Variants in CADPS observed in about 807,000 individuals in gnomAD.
The protein encoded by CADPS is calcium dependent secretion activator, also known as calcium-dependent secretion activator 1.
In CADPS, 57 loss-of-function variants were observed where a neutral mutation model predicts 167.3. The observed-to-expected ratio is 0.34, with a 90% CI of 0.28 to 0.42. CADPS has a LOEUF of 0.42. Among genes scored for constraint, CADPS ranks in the 20% least tolerant of loss-of-function variants. CADPS has a pLI of 1.00. For missense variants in CADPS, 1,414 were observed against 1,738.1 expected (o/e 0.81, Z 3.32); for synonymous variants, 676 against 635.3 (o/e 1.06, Z -0.96).
At chr3:62,654,912 C>T (rs1056132806) in intron 4 of CADPS, among the ~76,000 whole-genome samples, 2 of 152,202 alleles carry the variant, frequency 1.3e-5, no homozygotes, top group African/African-American at 4.8e-5. Context: ...TTGTCAAGTG[C>T]GGTTCCTTCT....
chr3:62,423,512 C>T (rs973652298), intron 28 of CADPS, among the ~76,000 whole-genome samples: 12 of 152,172 alleles, frequency 7.9e-5, no homozygotes, highest in Non-Finnish European at 1.0e-4. Context: ...GGGTAGGAAG[C>T]ACATATTTGA....
intron 3 of CADPS, among the ~76,000 whole-genome samples, chr3:62,734,550 TA>T (rs1394615121): frequency 2.0e-5 from 3 of 152,180 alleles, no homozygotes; most frequent in African/African-American, 7.2e-5. Flanking sequence ...ATAAATGAAA[TA>T]ATAGAATACA....
rs1577774872 is a variant in CADPS, at chr3:62,875,068, T to C, written c.-39A>G. The C allele has an allele frequency of 6.5e-7, 1 of 1,548,530 alleles. No individual in the cohort carries two copies. The highest frequency in any genetic ancestry group is 8.7e-7 in the Non-Finnish European group (1 of 1,144,882). On this transcript the variant is annotated 5_prime_UTR_variant, in exon 1 of 30. Transcript: ENST00000383710. ...GAGCGGGGTCTCTGGAGCCCCCGGC[T>C]TGGAGTGCAAAAGGTGGGGGGCGCT...
intron 1 of CADPS, among the ~76,000 whole-genome samples, chr3:62,851,881 G>T (rs1191261516): frequency 6.6e-6 from 1 of 151,656 alleles, no homozygotes; most frequent in African/African-American, 2.4e-5. Flanking sequence ...TTCCAACTTG[G>T]TTCCATTCTC....
intron 21 of CADPS, among the ~76,000 whole-genome samples, chr3:62,485,966 C>A (rs182835636): frequency 6.6e-6 from 1 of 152,272 alleles, no homozygotes; most frequent in East Asian, 1.9e-4. Context: ...TTGGCAGAAT[C>A]ATGAGATCTG....
intron 28 of CADPS, among the ~76,000 whole-genome samples, chr3:62,419,052 T>A (rs116245648): frequency 0.02 from 3,075 of 152,264 alleles, 51 homozygotes; most frequent in South Asian, 0.056. Context: ...TAGAAAATTT[T>A]TGTAGCAAAC....
chr3:62,516,211 A>G (rs1462444629), intron 15 of CADPS, 29 bp from the exon 16 acceptor site: 2 of 1,612,064 alleles, frequency 1.2e-6, no homozygotes, highest in East Asian at 4.5e-5. Context: ...GGGATTATTA[A>G]GAAGGTTCAA....
intron 3 of CADPS, among the ~76,000 whole-genome samples, chr3:62,679,807 C>T (rs548538236): frequency 1.3e-4 from 20 of 151,964 alleles, no homozygotes; most frequent in East Asian, 1.2e-3. Flanking sequence ...TTTTTGAAAG[C>T]GACTGGAAAG....
intron 1 of CADPS, among the ~76,000 whole-genome samples, chr3:62,799,231 G>T (rs1459439467): frequency 6.6e-6 from 1 of 152,072 alleles, no homozygotes; most frequent in East Asian, 1.9e-4. Context: ...AAACAAAAGG[G>T]TTAAGACCCA....
At chr3:62,675,009 G>C (rs927526218) in intron 3 of CADPS, among the ~76,000 whole-genome samples, 11 of 152,162 alleles carry the variant, frequency 7.2e-5, no homozygotes, top group Non-Finnish European at 1.6e-4. Context: ...AGTTAACCTT[G>C]AAATCTCAGT....
At chr3:62,766,837 C>T (rs1015224997) in intron 1 of CADPS, among the ~76,000 whole-genome samples, 2 of 152,168 alleles carry the variant, frequency 1.3e-5, no homozygotes, top group African/African-American at 4.8e-5. Context: ...AGGTTAGGGG[C>T]AGGTCTTCCT....
rs2059916804 is a variant in CADPS, at chr3:62,601,224, A to G, written c.1326-8476T>C. ...AATATTTGCAACACATGAATATTAT[A>G]TGAAATTCAAATTTTGATGCCCATC... is the stretch of plus-strand genomic sequence containing the variant. On this transcript the variant is annotated intron_variant, in intron 6 of 29. Transcript: ENST00000383710. The surrounding 1 kb of genome is among the most constrained non-coding windows in gnomAD (Gnocchi z 4.3). Among the ~76,000 whole-genome samples the G allele has an allele frequency of 6.6e-6, 1 of 152,326 alleles. No homozygotes were observed. The highest frequency in any genetic ancestry group is 1.9e-4 in the East Asian group (1 of 5,176).
chr3:62,580,524 A>G (rs2083214243), intron 8 of CADPS, among the ~76,000 whole-genome samples: 1 of 151,964 alleles, frequency 6.6e-6, no homozygotes, highest in South Asian at 2.1e-4. Context: ...AGCATGGCAC[A>G]TGTATACATA....
chr3:62,421,796 T>A lies in CADPS; in HGVS notation c.3777+16308A>T, dbSNP rs2051468451. On this transcript the variant is annotated intron_variant, in intron 28 of 29. Transcript: ENST00000383710. The surrounding 1 kb of genome is among the most constrained non-coding windows in gnomAD (Gnocchi z 4.7). ...CCTAGGGATGGAGGGATGCCCCGGG[T>A]CTGGGTTTTTTTGGAGTGTGCTATT... 6.6e-6 allele frequency among the ~76,000 whole-genome samples: 1 copy of A among 152,126 alleles called. No individual in the cohort carries two copies. Among genetic ancestry groups the A allele is most frequent in the South Asian group, 2.1e-4 (1 of 4,836 alleles).
chr3:62,657,461 G>C (rs1225224870), intron 4 of CADPS, among the ~76,000 whole-genome samples: 1 of 152,160 alleles, frequency 6.6e-6, no homozygotes, highest in Non-Finnish European at 1.5e-5. Flanking sequence ...GCCACAATCT[G>C]TCTGCTTAAG....
At chr3:62,413,048 G>C (rs2049276062) in intron 28 of CADPS, among the ~76,000 whole-genome samples, 1 of 152,040 alleles carries the variant, frequency 6.6e-6, no homozygotes, top group African/African-American at 2.4e-5. Flanking sequence ...ATAATCATAA[G>C]ATATTGCTGG....
At chr3:62,766,603 G>C (rs1481342628) in intron 1 of CADPS, among the ~76,000 whole-genome samples, 1 of 152,220 alleles carries the variant, frequency 6.6e-6, no homozygotes, top group Non-Finnish European at 1.5e-5. Context: ...TCACATGACA[G>C]ATGATGTTTG....
At position 62,588,851 on chromosome 3, in the gene CADPS, G is replaced by A. The variant is rs148056470; in HGVS notation, c.1438-3527C>T. 1.5e-4 allele frequency among the ~76,000 whole-genome samples: 23 copies of A among 152,224 alleles called. No homozygotes were observed. In the East Asian group the frequency reaches 3.3e-3, roughly 22 times the overall value. On this transcript the variant is annotated intron_variant, in intron 7 of 29. Coordinates refer to ENST00000383710, the MANE Select transcript of CADPS (RefSeq NM_003716.4). The stretch of plus-strand genomic sequence containing the variant: ...GATTTCAGGCACCATGTAGAGAAGT[G>A]TGTATATAGTAGCTTCCAACTGTGC...
Position 62,421,944 on chromosome 3 carries a change from T to C in CADPS, c.3777+16160A>G, listed in dbSNP as rs1425554048. Among the ~76,000 whole-genome samples the C allele has an allele frequency of 6.6e-6, 1 of 152,210 alleles. No individual in the cohort carries two copies. The highest frequency in any genetic ancestry group is 1.5e-5 in the Non-Finnish European group (1 of 68,042). On this transcript the variant is annotated intron_variant, in intron 28 of 29. Transcript: ENST00000383710. This position sits in a 1 kb window ranked among gnomAD's most constrained non-coding sequence, Gnocchi z 4.7. ...ATTCTTTTTTCCTTTGTAAAGCAGG[T>C]TGTGTTATTTACATATTTCTTTTGA...
Sources: allele counts gnomAD v4.1 joint callset (sites outside exome capture counted in the v4.1 genomes callset), GRCh38; gene constraint gnomAD v4.1.1; non-coding constraint Gnocchi (gnomAD v3.1); transcripts MANE v1.5; gene names NCBI Gene and HGNC (gene_info 2026-07-23, HGNC 2026-07-21).